Variants in STPG1 observed in about 807,000 individuals in gnomAD.
STPG1 encodes the protein O(6)-methylguanine-induced apoptosis 2.
STPG1 carries 33 observed loss-of-function variants against 40.1 expected under a neutral mutation model. That is an observed-to-expected ratio of 0.82 (90% CI 0.62 to 1.10). The LOEUF is 1.10. STPG1 is among the 50% of genes least tolerant of loss of function. The pLI is 0.00. For missense variants in STPG1, 396 were observed against 415.1 expected (o/e 0.95, Z 0.40); for synonymous variants, 150 against 155.0 (o/e 0.97, Z 0.24).
At chr1:24,368,228 T>G (rs1467317929) in intron 7 of STPG1, among the ~76,000 whole-genome samples, 1 of 152,206 alleles carries the variant, frequency 6.6e-6, no homozygotes, top group African/African-American at 2.4e-5. Context: ...CTCCAGATCT[T>G]AAGTTCGACT....
At chr1:24,403,905 T>G (rs1643320373) in intron 1 of STPG1, among the ~76,000 whole-genome samples, 1 of 152,158 alleles carries the variant, frequency 6.6e-6, no homozygotes, top group African/African-American at 2.4e-5. Context: ...AAACATTTTA[T>G]TTCTTCTTTT....
At chr1:24,366,067 A>C (rs900930390) in intron 7 of STPG1, among the ~76,000 whole-genome samples, 6 of 152,194 alleles carry the variant, frequency 3.9e-5, no homozygotes, top group African/African-American at 1.4e-4. Context: ...TCATATCTGC[A>C]CTGATGCTTC....
At chr1:24,407,386 C>A (rs1643452236) in intron 1 of STPG1, among the ~76,000 whole-genome samples, 1 of 149,376 alleles carries the variant, frequency 6.7e-6, no homozygotes, top group South Asian at 2.1e-4. Context: ...TTTTAAGTCT[C>A]TTTTCTCTCT....
intron 1 of STPG1, 138 bp from the exon 2 acceptor site, chr1:24,401,594 A>G (rs924461561): frequency 3.4e-6 from 2 of 585,434 alleles, no homozygotes; most frequent in Non-Finnish European, 6.2e-6. Context: ...AGTGACCCAA[A>G]GTCCCAAGCA....
At chr1:24,406,389 AT>A (rs925421305) in intron 1 of STPG1, among the ~76,000 whole-genome samples, 5 of 151,990 alleles carry the variant, frequency 3.3e-5, no homozygotes, top group African/African-American at 1.2e-4. Context: ...TTAATCTCAT[AT>A]TTTTTTAAAC....
At chr1:24,370,311 A>G (rs924874197) in intron 6 of STPG1, among the ~76,000 whole-genome samples, 2 of 144,890 alleles carry the variant, frequency 1.4e-5, no homozygotes, top group Middle Eastern at 3.5e-3. Flanking sequence ...TGCAATCAAC[A>G]ACTATCTTTT....
At position 24,358,546 on chromosome 1, in the gene STPG1, C is replaced by A. The variant is rs760194663; in HGVS notation, c.1002G>T (p.Leu334=). The change falls in exon 9 of 9, where the codon CTG becomes CTT. Residue 334 remains leucine (L), a synonymous_variant. Transcript: ENST00000337248. ...TCCTTGACCTTGTGTGACATCCCTACAGAACCGGGATCCATTTCTTGTCCT... is the reference window on the plus strand; with the variant it reads ...TCCTTGACCTTGTGTGACATCCCTAAAGAACCGGGATCCATTTCTTGTCCT... ...YNEDKKWIPV[L] is the part of the protein sequence containing the mutation. The A allele has an allele frequency of 1.9e-6, 3 of 1,613,242 alleles. No individual in the cohort carries two copies. The Admixed American group carries it at 5.0e-5, about 27-fold the overall frequency.
At chr1:24,413,634 G>A (rs1344787247) in intron 1 of STPG1, 40 bp downstream of exon 1, 3 of 152,180 alleles carry the variant, frequency 2.0e-5, no homozygotes, top group Non-Finnish European at 4.4e-5. Context: ...TCTTCCCCAC[G>A]ACCTCAGGGA....
chr1:24,358,635 G>A lies in STPG1; in HGVS notation c.929-16C>T. 1.3e-6 allele frequency: 2 copies of A among 1,598,798 alleles called. No individual in the cohort carries two copies. The highest frequency in any genetic ancestry group is 1.7e-6 in the Non-Finnish European group (2 of 1,166,654). On this transcript the variant is annotated splice_polypyrimidine_tract_variant and intron_variant, in intron 8 of 8. Transcript: ENST00000337248. ...TTGTACGTAGCTGTGAGGGGACAGA[G>A]AGGCGGAGGCATTAAGAGAGAAAAG... is the stretch of plus-strand genomic sequence containing the variant.
intron 6 of STPG1, among the ~76,000 whole-genome samples, chr1:24,372,377 G>C (rs1641793101): frequency 6.6e-6 from 1 of 152,168 alleles, no homozygotes; most frequent in Non-Finnish European, 1.5e-5. Context: ...ATGAATGTAA[G>C]GCCCCTGGCA....
In STPG1 at chr1:24,359,439, G is replaced by A. The variant is rs931320639; in HGVS notation, c.929-820C>T. On this transcript the variant is annotated intron_variant, in intron 8 of 8. Transcript: ENST00000337248. This position sits in a 1 kb window ranked among gnomAD's most constrained non-coding sequence, Gnocchi z 5.3. Reference sequence around the variant, plus strand: ...AGCATTTGCATGTTTGCAATGCTGAGTTCTCCTCGACTGACTAGATGAGCC... The same window carrying A: ...AGCATTTGCATGTTTGCAATGCTGAATTCTCCTCGACTGACTAGATGAGCC... Among the ~76,000 whole-genome samples the A allele has an allele frequency of 6.6e-6, 1 of 152,220 alleles. No individual in the cohort carries two copies. Among genetic ancestry groups the A allele is most frequent in the Non-Finnish European group, 1.5e-5 (1 of 68,038 alleles).
At chr1:24,395,375 TA>T (rs1642950725) in intron 2 of STPG1, among the ~76,000 whole-genome samples, 1 of 149,744 alleles carries the variant, frequency 6.7e-6, no homozygotes, top group Admixed American at 6.7e-5. Flanking sequence ...GCTCTGGAAA[TA>T]GTAAATATGT....
intron 1 of STPG1, among the ~76,000 whole-genome samples, chr1:24,412,756 GGAAT>G (rs1185703433): frequency 2.0e-5 from 3 of 152,096 alleles, no homozygotes; most frequent in African/African-American, 4.8e-5. Flanking sequence ...AAATATTGGT[GGAAT>G]GAATGAATGA....
At chr1:24,375,468 C>CT (rs1641979044) in intron 5 of STPG1, among the ~76,000 whole-genome samples, 1 of 152,124 alleles carries the variant, frequency 6.6e-6, no homozygotes, top group African/African-American at 2.4e-5. Context: ...TCCCAGGGCC[C>CT]TAATGGCTAG....
chr1:24,409,684 C>A (rs1643539260), intron 1 of STPG1, among the ~76,000 whole-genome samples: 1 of 152,280 alleles, frequency 6.6e-6, no homozygotes, highest in Admixed American at 6.5e-5. Flanking sequence ...TCGTCTGACT[C>A]CACCCTACCT....
chr1:24,374,251 T>G (rs1200709507), intron 5 of STPG1, among the ~76,000 whole-genome samples: 3 of 91,490 alleles, frequency 3.3e-5, no homozygotes, highest in African/African-American at 6.8e-5. Context: ...AGTGTTTTTT[T>G]TTTTTGTTTT....
chr1:24,375,597 G>A (rs1389044613), intron 5 of STPG1, among the ~76,000 whole-genome samples: 2 of 152,126 alleles, frequency 1.3e-5, no homozygotes, highest in Admixed American at 1.3e-4. Context: ...TACCAAGGAA[G>A]AGGACTCGAA....
intron 5 of STPG1, chr1:24,379,448 C>A (rs779242412): frequency 5.9e-5 from 34 of 573,198 alleles, no homozygotes; most frequent in Middle Eastern, 9.5e-4. Flanking sequence ...TGATACTGGC[C>A]TCCATGTTGC....
chr1:24,395,683 CG>C (rs1642970664), intron 2 of STPG1, among the ~76,000 whole-genome samples: 1 of 152,080 alleles, frequency 6.6e-6, no homozygotes, highest in South Asian at 2.1e-4. Context: ...CTGCCCGCCC[CG>C]GCTTCTCAAA....
Sources: allele counts gnomAD v4.1 joint callset (sites outside exome capture counted in the v4.1 genomes callset), GRCh38; gene constraint gnomAD v4.1.1; non-coding constraint Gnocchi (gnomAD v3.1); transcripts MANE v1.5; gene names NCBI Gene and HGNC (gene_info 2026-07-23, HGNC 2026-07-21).